Variants in IL7 observed in about 807,000 individuals in gnomAD.
The protein encoded by IL7 is interleukin 7, also known as interleukin-7.
A neutral mutation model predicts 21.6 loss-of-function variants in IL7; 3 were observed. That is an observed-to-expected ratio of 0.14 (90% CI 0.06 to 0.36). IL7 has a LOEUF of 0.36. Among genes scored for constraint, IL7 ranks in the 10% least tolerant of loss-of-function variants. The pLI, the probability that IL7 is intolerant of heterozygous loss-of-function variation, is 1.00. For synonymous variants in IL7, 62 were observed against 68.1 expected (o/e 0.91, Z 0.44); for missense variants, 175 against 200.2 (o/e 0.87, Z 0.76).
At chr8:78,769,250 G>C (rs1020051807) in intron 2 of IL7, among the ~76,000 whole-genome samples, 22 of 152,114 alleles carry the variant, frequency 1.4e-4, no homozygotes, top group African/African-American at 5.3e-4. Context: ...AATTGTCCCT[G>C]TTTGCAGATG....
chr8:78,759,079 A>T (rs1390073872), intron 2 of IL7, among the ~76,000 whole-genome samples: 13 of 131,432 alleles, frequency 9.9e-5, no homozygotes, highest in African/African-American at 2.8e-4. Flanking sequence ...CTTTTTTTTT[A>T]ATCTGGCTTT....
chr8:78,734,553 C>T (rs1353607943), intron 5 of IL7, among the ~76,000 whole-genome samples: 3 of 152,116 alleles, frequency 2.0e-5, no homozygotes, highest in African/African-American at 7.2e-5. Context: ...GACTTTTACC[C>T]CTTCCTAGAC....
chr8:78,708,171 C>T (rs1196925926), intron 3 of IL7, among the ~76,000 whole-genome samples: 2 of 152,074 alleles, frequency 1.3e-5, no homozygotes, highest in African/African-American at 4.8e-5. Flanking sequence ...GACATTTGGT[C>T]AGGTGTAATG....
intron 6 of IL7, chr8:78,718,743 A>G (rs1035910888): frequency 4.6e-5 from 7 of 151,902 alleles, no homozygotes; most frequent in African/African-American, 1.7e-4. Flanking sequence ...CACTTTCAGT[A>G]TATCATAGTA....
chr8:78,717,908 C>G (rs536668776), exon 7 of IL7: 2 of 155,290 alleles, frequency 1.3e-5, no homozygotes, highest in African/African-American at 4.8e-5. Context: ...TTATTGGTGC[C>G]TATCTTCAGA....
intron 3 of IL7, among the ~76,000 whole-genome samples, chr8:78,708,110 T>G (rs1229903531): frequency 6.6e-6 from 1 of 152,214 alleles, no homozygotes; most frequent in Non-Finnish European, 1.5e-5. Flanking sequence ...GTATGACAAC[T>G]GTTATTTCGA....
chr8:78,727,469 C>T (rs1167145377), intron 3 of IL7, among the ~76,000 whole-genome samples: 1 of 151,932 alleles, frequency 6.6e-6, no homozygotes, highest in Non-Finnish European at 1.5e-5. Flanking sequence ...GTTGACATTC[C>T]AAGGAATGAT....
At chr8:78,768,173 A>G (rs1277336180) in intron 2 of IL7, among the ~76,000 whole-genome samples, 2 of 152,154 alleles carry the variant, frequency 1.3e-5, no homozygotes, top group Non-Finnish European at 2.9e-5. Context: ...TCTATCATTG[A>G]CGGACATTTG....
At chr8:78,762,994 G>A (rs992498779) in intron 2 of IL7, among the ~76,000 whole-genome samples, 1 of 152,222 alleles carries the variant, frequency 6.6e-6, no homozygotes, top group African/African-American at 2.4e-5. Flanking sequence ...GGCTAGCACA[G>A]TAGTGTCGTC....
intron 2 of IL7, among the ~76,000 whole-genome samples, chr8:78,781,478 C>A (rs375112943): frequency 6.6e-6 from 1 of 152,134 alleles, no homozygotes; most frequent in African/African-American, 2.4e-5. Flanking sequence ...GCTTATGAAG[C>A]TTAGTTTCAC....
chr8:78,761,946 CCTT>C, intron 2 of IL7: 1 of 1,610,818 alleles, frequency 6.2e-7, no homozygotes, highest in Non-Finnish European at 8.5e-7. Context: ...TCTTTGTTTT[CCTT>C]CTCTTCAAGG....
intron 3 of IL7, among the ~76,000 whole-genome samples, chr8:78,739,703 CAAAG>C (rs1286977775): frequency 2.7e-4 from 40 of 147,422 alleles, no homozygotes; most frequent in South Asian, 8.5e-4. Flanking sequence ...AAAAAAAAAA[CAAAG>C]AAAGAAAGAA....
chr8:78,735,227 A>T (rs1273172017), intron 5 of IL7, among the ~76,000 whole-genome samples: 1 of 147,308 alleles, frequency 6.8e-6, no homozygotes, highest in East Asian at 2.0e-4. Context: ...AAAAACAGAG[A>T]ATCTTGGTTT....
chr8:78,767,230 GTGTC>G (rs1284556182), intron 2 of IL7, among the ~76,000 whole-genome samples: 13 of 151,964 alleles, frequency 8.6e-5, no homozygotes, highest in African/African-American at 2.9e-4. Flanking sequence ...GTGTGTGTGT[GTGTC>G]TGTGTTTATC....
intron 2 of IL7, among the ~76,000 whole-genome samples, chr8:78,775,594 C>T (rs1040816465): frequency 6.6e-6 from 1 of 152,128 alleles, no homozygotes; most frequent in African/African-American, 2.4e-5. Flanking sequence ...AATTGTCCAA[C>T]ATCTCATAGC....
At chr8:78,689,393 T>C (rs1194159212) in intron 3 of IL7, 3 of 1,547,032 alleles carry the variant, frequency 1.9e-6, no homozygotes, top group Non-Finnish European at 2.6e-6. Flanking sequence ...GTTTTAATAA[T>C]TGCTATAAAC....
intron 2 of IL7, among the ~76,000 whole-genome samples, chr8:78,763,599 A>T (rs1812650863): frequency 6.6e-6 from 1 of 152,222 alleles, no homozygotes. Flanking sequence ...ATTACTCAAA[A>T]GGCACAATCT....
intron 2 of IL7, among the ~76,000 whole-genome samples, chr8:78,748,582 A>G (rs1338475660): frequency 2.0e-5 from 3 of 152,204 alleles, no homozygotes. Context: ...TAAGCTGGTT[A>G]CCATCAGTAT....
chr8:78,718,114 A>G (rs1324735288), intron 6 of IL7: 1 of 152,064 alleles, frequency 6.6e-6, no homozygotes, highest in Non-Finnish European at 1.5e-5. Context: ...AAGTGTAATT[A>G]TGCAATTTCC....
Sources: allele counts gnomAD v4.1 joint callset (sites outside exome capture counted in the v4.1 genomes callset), GRCh38; gene constraint gnomAD v4.1.1; transcripts MANE v1.5; gene names NCBI Gene and HGNC (gene_info 2026-07-23, HGNC 2026-07-21).